Variants in SLC9A9 observed in about 807,000 individuals in gnomAD.
SLC9A9 encodes the protein solute carrier family 9 member A9, also known as sodium/hydrogen exchanger 9.
A neutral mutation model predicts 77.8 loss-of-function variants in SLC9A9; 62 were observed. The observed-to-expected ratio is 0.80, with a 90% CI of 0.65 to 0.98. The LOEUF is 0.98. Among genes scored for constraint, SLC9A9 ranks in the 50% least tolerant of loss-of-function variants. SLC9A9 has a pLI of 0.00. For synonymous variants in SLC9A9, 320 were observed against 283.5 expected, an observed-to-expected ratio of 1.13 and a Z score of -1.29; for missense variants, 775 against 774.9, an observed-to-expected ratio of 1.00 and a Z score of 0.00.
At chr3:143,557,279 A>G (rs1410247229) in intron 8 of SLC9A9, among the ~76,000 whole-genome samples, 1 of 152,204 alleles carries the variant, frequency 6.6e-6, no homozygotes, top group Non-Finnish European at 1.5e-5. Flanking sequence ...GCCTTGCAGA[A>G]CTGTGAGTCA....
chr3:143,283,742 G>C (rs2108409303), intron 14 of SLC9A9, among the ~76,000 whole-genome samples: 1 of 152,186 alleles, frequency 6.6e-6, no homozygotes, highest in South Asian at 2.1e-4. Flanking sequence ...ACCTCCCTTT[G>C]GGGTGAATTA....
intron 13 of SLC9A9, among the ~76,000 whole-genome samples, chr3:143,363,770 C>T (rs1448098319): frequency 1.3e-5 from 2 of 152,142 alleles, no homozygotes; most frequent in Non-Finnish European, 2.9e-5. Context: ...AGTATTTCAA[C>T]ATTTACTTTT....
intron 2 of SLC9A9, among the ~76,000 whole-genome samples, chr3:143,829,947 C>T (rs2009393492): frequency 6.6e-6 from 1 of 152,134 alleles, no homozygotes; most frequent in South Asian, 2.1e-4. Flanking sequence ...GATTAGGAAG[C>T]TTAAGAAACT....
intron 4 of SLC9A9, among the ~76,000 whole-genome samples, chr3:143,717,642 T>C (rs1228572508): frequency 3.9e-5 from 6 of 152,214 alleles, no homozygotes; most frequent in Non-Finnish European, 8.8e-5. Context: ...ACTACCCTTA[T>C]ATCTAAGTGA....
At chr3:143,481,970 C>T (rs2035582535) in intron 11 of SLC9A9, among the ~76,000 whole-genome samples, 1 of 152,176 alleles carries the variant, frequency 6.6e-6, no homozygotes, top group African/African-American at 2.4e-5. Flanking sequence ...GATAAGGTCA[C>T]TTTGGGATCA....
intron 9 of SLC9A9, among the ~76,000 whole-genome samples, chr3:143,547,396 C>T (rs2036807763): frequency 6.6e-6 from 1 of 152,212 alleles, no homozygotes; most frequent in African/African-American, 2.4e-5. Flanking sequence ...AATACACATC[C>T]CAAACTTAAC....
chr3:143,382,072 G>C lies in SLC9A9; in HGVS notation c.1512C>G (p.Ser504=), dbSNP rs191277878. 1.2e-6 allele frequency: 2 copies of C among 1,614,092 alleles called. No individual in the cohort carries two copies. Among genetic ancestry groups the C allele is most frequent in the Non-Finnish European group, 1.7e-6 (2 of 1,179,992 alleles). ...DLDENLKEDP[S]SQHQEANNLD... ...TTCTTTGACTTGCCTGGTGTTGTGA[G>C]GAGGGGTCCTCCTTCAGATTTTCAT... Residue 504 remains serine (S), a synonymous_variant, in exon 13 of 16, where the codon TCC becomes TCG. Coordinates refer to ENST00000316549, the MANE Select transcript of SLC9A9 (RefSeq NM_173653.4).
intron 6 of SLC9A9, among the ~76,000 whole-genome samples, chr3:143,599,227 G>A (rs1157157829): frequency 6.6e-6 from 1 of 152,088 alleles, no homozygotes; most frequent in Non-Finnish European, 1.5e-5. Flanking sequence ...TATTTAACTC[G>A]TAAAAAACAT....
chr3:143,550,133 AC>A (rs1215875567), intron 9 of SLC9A9, among the ~76,000 whole-genome samples: 1 of 152,116 alleles, frequency 6.6e-6, no homozygotes, highest in African/African-American at 2.4e-5. Context: ...TTGGGATGTG[AC>A]AAAGAGGGAT....
intron 4 of SLC9A9, among the ~76,000 whole-genome samples, chr3:143,766,336 A>C (rs2007317880): frequency 1.3e-5 from 2 of 152,216 alleles, no homozygotes; most frequent in Admixed American, 6.5e-5. Context: ...AAGAAAGAAA[A>C]TTTAAAAGGA....
intron 12 of SLC9A9, among the ~76,000 whole-genome samples, chr3:143,440,708 AT>A (rs1191452595): frequency 2.0e-5 from 3 of 152,198 alleles, no homozygotes; most frequent in Non-Finnish European, 4.4e-5. Flanking sequence ...ACTCTCTTTG[AT>A]GTGAAATTAC....
intron 12 of SLC9A9, among the ~76,000 whole-genome samples, chr3:143,461,870 T>A (rs985427187): frequency 6.3e-4 from 96 of 152,316 alleles, no homozygotes; most frequent in African/African-American, 2.2e-3. Context: ...CAAGGAAGTC[T>A]GTATGGAAGC....
At chr3:143,334,948 A>G (rs1389984986) in intron 14 of SLC9A9, among the ~76,000 whole-genome samples, 1 of 138,908 alleles carries the variant, frequency 7.2e-6, no homozygotes, top group African/African-American at 2.9e-5. Flanking sequence ...AGTCCTAGCC[A>G]GAGATAATAG....
chr3:143,639,323 G>T (rs1164447085), intron 6 of SLC9A9, among the ~76,000 whole-genome samples: 2 of 152,280 alleles, frequency 1.3e-5, no homozygotes, highest in African/African-American at 4.8e-5. Flanking sequence ...AGTCAAGATT[G>T]GTTCTTCTCA....
chr3:143,470,866 C>G (rs1181265741), intron 11 of SLC9A9, among the ~76,000 whole-genome samples: 2 of 152,036 alleles, frequency 1.3e-5, no homozygotes, highest in Non-Finnish European at 2.9e-5. Flanking sequence ...TATACATGAG[C>G]AATTCTTGGT....
intron 8 of SLC9A9, among the ~76,000 whole-genome samples, chr3:143,573,101 G>A (rs925291512): frequency 1.3e-5 from 2 of 152,098 alleles, no homozygotes; most frequent in Admixed American, 6.5e-5. Context: ...TCTTTCTATC[G>A]ATTAATGAAA....
intron 14 of SLC9A9, among the ~76,000 whole-genome samples, chr3:143,277,718 T>G (rs999651240): frequency 6.6e-6 from 1 of 152,184 alleles, no homozygotes; most frequent in African/African-American, 2.4e-5. Context: ...TGGCTTTTAG[T>G]GGCTTTCTGG....
intron 12 of SLC9A9, among the ~76,000 whole-genome samples, chr3:143,414,142 T>C (rs1015339236): frequency 6.6e-6 from 1 of 152,270 alleles, no homozygotes; most frequent in Non-Finnish European, 1.5e-5. Flanking sequence ...CTTTCCCTTT[T>C]CACAATTCCT....
At chr3:143,549,451 A>G (rs2036844200) in intron 9 of SLC9A9, among the ~76,000 whole-genome samples, 1 of 152,232 alleles carries the variant, frequency 6.6e-6, no homozygotes, top group South Asian at 2.1e-4. Flanking sequence ...GAAGAAAGGG[A>G]TGAAAATGAA....
Sources: gnomAD v4.1 joint callset for allele counts (sites outside exome capture counted in the v4.1 genomes callset) on GRCh38, gnomAD v4.1.1 for gene constraint, MANE v1.5 for transcripts, NCBI Gene and HGNC (gene_info 2026-07-23, HGNC 2026-07-21) for gene names.